The following CDKN2B-AS1 variants were observed in gnomAD, a reference collection of about 807,000 sequenced individuals.
CDKN2B-AS1 encodes the protein CDKN2B and CDKN2A antisense cis and trans regulatory RNA 1, also known as CDKN2B antisense RNA 1 (non-protein coding).
intron 4 of CDKN2B-AS1, among the ~76,000 whole-genome samples, chr9:22,105,212 G>T (rs1231599973): frequency 6.6e-6 from 1 of 152,214 alleles, no homozygotes; most frequent in Non-Finnish European, 1.5e-5. Flanking sequence ...CGAGGCAGCT[G>T]CACATATGAA....
intron 4 of CDKN2B-AS1, among the ~76,000 whole-genome samples, chr9:22,109,944 G>C (rs1326821967): frequency 6.6e-6 from 1 of 152,018 alleles, no homozygotes; most frequent in Non-Finnish European, 1.5e-5. Flanking sequence ...GATCCTTTCT[G>C]CAGCTTCCAT....
chr9:22,028,331 G>A (rs1024814934), intron 1 of CDKN2B-AS1, among the ~76,000 whole-genome samples: 1 of 152,078 alleles, frequency 6.6e-6, no homozygotes, highest in Non-Finnish European at 1.5e-5. Context: ...CCTTGGCAGA[G>A]TTAAAATAAA....
intron 4 of CDKN2B-AS1, among the ~76,000 whole-genome samples, chr9:22,114,511 G>A (rs1825893725): frequency 1.3e-5 from 2 of 152,190 alleles, no homozygotes; most frequent in Admixed American, 6.5e-5. Context: ...GGAGAAAGGA[G>A]AGGAAGGCAA....
At chr9:22,069,934 C>G (rs1353373123) in intron 4 of CDKN2B-AS1, among the ~76,000 whole-genome samples, 1 of 152,062 alleles carries the variant, frequency 6.6e-6, no homozygotes, top group African/African-American at 2.4e-5. Flanking sequence ...ACAATCTTGG[C>G]TCACTGCTAC....
chr9:22,028,990 A>C (rs1296784839), intron 1 of CDKN2B-AS1, among the ~76,000 whole-genome samples: 2 of 152,196 alleles, frequency 1.3e-5, no homozygotes, highest in Non-Finnish European at 2.9e-5. Context: ...TTGTTTCTCT[A>C]ACTGGCTTAA....
intron 4 of CDKN2B-AS1, among the ~76,000 whole-genome samples, chr9:22,100,484 T>G (rs1825445167): frequency 6.6e-6 from 1 of 152,206 alleles, no homozygotes; most frequent in African/African-American, 2.4e-5. Context: ...AATGTCAGTA[T>G]GATACTTCAT....
chr9:22,104,165 A>G (rs1219602398), intron 4 of CDKN2B-AS1, among the ~76,000 whole-genome samples: 1 of 152,220 alleles, frequency 6.6e-6, no homozygotes, highest in Non-Finnish European at 1.5e-5. Flanking sequence ...AGGTAAGAGC[A>G]GAGTCCCTTC....
intron 3 of CDKN2B-AS1, among the ~76,000 whole-genome samples, chr9:22,050,656 C>A (rs1446861871): frequency 6.6e-6 from 1 of 152,180 alleles, no homozygotes; most frequent in Non-Finnish European, 1.5e-5. Flanking sequence ...TAGCAGTTTT[C>A]TGGCGGTGAA....
At chr9:22,073,952 C>T (rs1463679695) in intron 4 of CDKN2B-AS1, among the ~76,000 whole-genome samples, 1 of 151,820 alleles carries the variant, frequency 6.6e-6, no homozygotes, top group Non-Finnish European at 1.5e-5. Flanking sequence ...CAACCTCTGG[C>T]TCCCAGATTC....
intron 1 of CDKN2B-AS1, chr9:22,008,923 C>A: frequency 1.2e-6 from 2 of 1,612,980 alleles, no homozygotes; most frequent in Non-Finnish European, 1.7e-6. Flanking sequence ...CTGCCGCCCC[C>A]ACTGGGCATG....
At chr9:22,046,838 A>G (rs748442630) in exon 2 of CDKN2B-AS1, 1 of 152,168 alleles carries the variant, frequency 6.6e-6, no homozygotes, top group Non-Finnish European at 1.5e-5. Context: ...CACCAGATAT[A>G]TGTTATCTGT....
At chr9:22,075,748 G>A (rs1048262712) in intron 4 of CDKN2B-AS1, among the ~76,000 whole-genome samples, 1 of 152,222 alleles carries the variant, frequency 6.6e-6, no homozygotes, top group Non-Finnish European at 1.5e-5. Context: ...AACAGCAAAG[G>A]AGGTGGGACA....
At chr9:22,002,478 G>GA (rs35720900) in intron 1 of CDKN2B-AS1, among the ~76,000 whole-genome samples, 45,386 of 150,302 alleles carry the variant, frequency 0.3, 7,025 homozygotes, top group Non-Finnish European at 0.33. Flanking sequence ...TCAGCAAAAA[G>GA]AAAAAAAAAC....
At chr9:22,082,680 A>G (rs1188907046) in intron 4 of CDKN2B-AS1, among the ~76,000 whole-genome samples, 1 of 152,218 alleles carries the variant, frequency 6.6e-6, no homozygotes, top group Non-Finnish European at 1.5e-5. Flanking sequence ...ATAATTATGT[A>G]TATTTTATAC....
In CDKN2B-AS1 at chr9:22,069,967, A is replaced by T. The variant is rs554190485; in HGVS notation, n.438+13580A>T. On this transcript the variant is annotated intron_variant and non_coding_transcript_variant, in intron 4 of 4. Coordinates refer to ENST00000650946, the Ensembl canonical transcript of CDKN2B-AS1. Reference sequence around the variant, plus strand: ...TACCTCCGCCTCCCAGGTTCAAGTGATTCTTTCTATTTTTTGGGAATGTGC... The same window carrying T: ...TACCTCCGCCTCCCAGGTTCAAGTGTTTCTTTCTATTTTTTGGGAATGTGC... 6.6e-5 allele frequency among the ~76,000 whole-genome samples: 10 copies of T among 152,198 alleles called. 1 individual carries two copies. The highest frequency in any genetic ancestry group is 2.4e-4 in the African/African-American group (10 of 41,546).
At chr9:22,091,506 G>A (rs915971694) in intron 4 of CDKN2B-AS1, among the ~76,000 whole-genome samples, 9 of 152,118 alleles carry the variant, frequency 5.9e-5, no homozygotes, top group Admixed American at 3.3e-4. Context: ...ATTTCATTGA[G>A]CAGTGGTTTG....
chr9:22,063,359 G>A (rs896292010), intron 4 of CDKN2B-AS1, among the ~76,000 whole-genome samples: 1 of 152,112 alleles, frequency 6.6e-6, no homozygotes, highest in Admixed American at 6.5e-5. Context: ...TAATGAAGAA[G>A]AAAATTATGT....
At position 22,000,900 on chromosome 9, in the gene CDKN2B-AS1, C is replaced by A. The variant is rs1034597278; in HGVS notation, n.29+5739C>A. ...GATTACATTGAGAGCTACCTAAATA[C>A]CAGACACTCATTCTTGGTCCTGACT... is the stretch of plus-strand genomic sequence containing the variant. On this transcript the variant is annotated intron_variant and non_coding_transcript_variant, in intron 1 of 4. Transcript: ENST00000650946. The surrounding 1 kb of genome is among the most constrained non-coding windows in gnomAD (Gnocchi z 4.1). 1.3e-5 allele frequency among the ~76,000 whole-genome samples: 2 copies of A among 152,056 alleles called. No individual in the cohort carries two copies. Among genetic ancestry groups the A allele is most frequent in the Non-Finnish European group, 2.9e-5 (2 of 67,982 alleles).
chr9:22,047,780 T>C (rs1170890590), intron 2 of CDKN2B-AS1, among the ~76,000 whole-genome samples: 1 of 151,296 alleles, frequency 6.6e-6, no homozygotes, highest in African/African-American at 2.4e-5. Context: ...ATGAGAAAAC[T>C]TTTTTTTTCT....
Sources: gnomAD v4.1 joint callset for allele counts (sites outside exome capture counted in the v4.1 genomes callset) on GRCh38, gnomAD v4.1.1 for gene constraint, Gnocchi (gnomAD v3.1) non-coding constraint, MANE v1.5 for transcripts, NCBI Gene and HGNC (gene_info 2026-07-23, HGNC 2026-07-21) for gene names.